SLC7A11: variants seen among roughly 807,000 people sequenced by gnomAD.
SLC7A11 encodes the protein cystine/glutamate transporter.
SLC7A11 carries 35 observed loss-of-function variants against 54.5 expected under a neutral mutation model. The observed-to-expected ratio is 0.64, with a 90% CI of 0.49 to 0.85. SLC7A11 has a LOEUF of 0.85. Among genes scored for constraint, SLC7A11 ranks in the 40% least tolerant of loss-of-function variants. The pLI, the probability that SLC7A11 is intolerant of heterozygous loss-of-function variation, is 0.00. For synonymous variants in SLC7A11, 230 were observed against 225.2 expected (o/e 1.02, Z -0.19); for missense variants, 583 against 618.1 (o/e 0.94, Z 0.60).
intron 6 of SLC7A11, among the ~76,000 whole-genome samples, chr4:138,196,536 T>C (rs914934593): frequency 6.6e-6 from 1 of 152,158 alleles, no homozygotes; most frequent in Non-Finnish European, 1.5e-5. Context: ...GTGTTTTGTG[T>C]ATGCATATTT....
At position 138,241,673 on chromosome 4, in the gene SLC7A11, T is replaced by A. The variant is rs543508136; in HGVS notation, c.277+120A>T. The A allele has an allele frequency of 2.3e-4, 180 of 766,510 alleles. No individual in the cohort carries two copies. The African/African-American group carries it at 2.7e-3, about 12-fold the overall frequency. 47.5% of individuals were successfully genotyped at this position (766,510 alleles called of 1,614,324 possible). ...AGTTCACGTACCCGAACAAAAATTT[T>A]AAAAATTTGGTGTGGCCTTTGCCAT... is the stretch of plus-strand genomic sequence containing the variant. On this transcript the variant is annotated intron_variant, in intron 1 of 11. Coordinates refer to ENST00000280612, the MANE Select transcript of SLC7A11 (RefSeq NM_014331.4).
chr4:138,232,634 C>T (rs139354939), intron 2 of SLC7A11, among the ~76,000 whole-genome samples: 1 of 152,196 alleles, frequency 6.6e-6, no homozygotes, highest in Non-Finnish European at 1.5e-5. Flanking sequence ...TTCCCCTGCT[C>T]TCCCATATTT....
chr4:138,237,716 TATATATATATATA>T (rs1738250907), intron 1 of SLC7A11, among the ~76,000 whole-genome samples: 1 of 7,500 alleles, frequency 1.3e-4, no homozygotes, highest in Non-Finnish European at 2.8e-4. Flanking sequence ...TATATATATA[TATATATATATATA>T]TATATATATT....
rs1208213164 is a variant in SLC7A11 at position 138,242,079 on chromosome 4, A to G, written c.-10T>C. ...CAGGCTTTCTGACCATAGTAGGGAC[A>G]CACGGGGGAAAAATAAAACAGAGGG... On this transcript the variant is annotated 5_prime_UTR_variant, in exon 1 of 12. Transcript: ENST00000280612. The G allele has an allele frequency of 6.2e-7, 1 of 1,612,766 alleles. No homozygotes were observed. Among genetic ancestry groups the G allele is most frequent in the East Asian group, 2.2e-5 (1 of 44,850 alleles).
At chr4:138,234,639 A>T (rs1738161984) in intron 2 of SLC7A11, among the ~76,000 whole-genome samples, 1 of 152,086 alleles carries the variant, frequency 6.6e-6, no homozygotes, top group South Asian at 2.1e-4. Context: ...TTCATTTTAG[A>T]TCTCTTTTTA....
chr4:138,183,300 A>G lies in SLC7A11; in HGVS notation c.921T>C (p.Phe307=). The G allele has an allele frequency of 6.2e-7, 1 of 1,608,218 alleles. No homozygotes were observed. The highest frequency in any genetic ancestry group is 1.1e-5 in the South Asian group (1 of 90,536). The change falls in exon 8 of 12, where the codon TTT becomes TTC. Residue 307 remains phenylalanine (F), a synonymous_variant. Coordinates refer to ENST00000280612, the MANE Select transcript of SLC7A11 (RefSeq NM_014331.4). ...AGAAATTTCCCAGTAGCCGCTCAGA[A>G]AAGGTCTAGTGAAAGAAAGAACGAA... ...LLLSNAVAVT[F]SERLLGNFSL...
Position 138,242,310 on chromosome 4 carries a change from T to C in SLC7A11, c.-241A>G, listed in dbSNP as rs1205919363. ...ATTCTCCACCTCCTCGTTCCACCAC[T>C]GCTGCTGCTGCTGCTGCTGCCGCCC... On this transcript the variant is annotated 5_prime_UTR_variant, in exon 1 of 12. Transcript: ENST00000280612. The C allele has an allele frequency of 1.5e-5, 6 of 397,580 alleles. No homozygotes were observed. Among genetic ancestry groups the C allele is most frequent in the East Asian group, 4.7e-5 (1 of 21,124 alleles). 24.6% of individuals were successfully genotyped at this position (397,580 alleles called of 1,614,324 possible).
chr4:138,205,404 G>C (rs1162343484), intron 6 of SLC7A11, among the ~76,000 whole-genome samples: 1 of 152,028 alleles, frequency 6.6e-6, no homozygotes, highest in Non-Finnish European at 1.5e-5. Flanking sequence ...TTCCTGAGTA[G>C]ATCAATAATC....
intron 6 of SLC7A11, among the ~76,000 whole-genome samples, chr4:138,191,412 A>C (rs914427388): frequency 9.2e-5 from 14 of 152,174 alleles, no homozygotes; most frequent in Admixed American, 3.9e-4. Context: ...GAAGACAGAG[A>C]GACCTGTAGG....
At chr4:138,197,638 T>G (rs541668110) in intron 6 of SLC7A11, among the ~76,000 whole-genome samples, 106 of 152,092 alleles carry the variant, frequency 7.0e-4, no homozygotes, top group African/African-American at 2.4e-3. Flanking sequence ...GCTTTAAATT[T>G]AAAAGCACTA....
rs2148402187 is a variant in SLC7A11, at chr4:138,165,648, A to C, written c.*6308T>G. 1 of 152,336 alleles carries C rather than the reference A, an allele frequency of 6.6e-6. No homozygotes were observed. Among genetic ancestry groups the C allele is most frequent in the Admixed American group, 6.5e-5 (1 of 15,290 alleles). The allele number at this position is 152,336 out of a possible 1,614,324, so 9.4% of individuals were successfully genotyped here. On this transcript the variant is annotated 3_prime_UTR_variant, in exon 12 of 12. Transcript: ENST00000280612. ...TTTGGAGCCAATGTCTGTATTCAAA[A>C]TAACCAAAATATATTTTAAAGCAAA...
intron 5 of SLC7A11, among the ~76,000 whole-genome samples, chr4:138,216,540 G>A (rs961081334): frequency 1.3e-5 from 2 of 152,114 alleles, no homozygotes; most frequent in Admixed American, 6.5e-5. Flanking sequence ...TGTGTGACCT[G>A]ACTGGGTTAA....
chr4:138,230,079 T>C (rs1033991381), intron 3 of SLC7A11, among the ~76,000 whole-genome samples: 1 of 152,166 alleles, frequency 6.6e-6, no homozygotes, highest in Non-Finnish European at 1.5e-5. Flanking sequence ...GTTAAAGGTC[T>C]TAAAAATCTG....
At chr4:138,233,604 A>T (rs1003261282) in intron 2 of SLC7A11, among the ~76,000 whole-genome samples, 2 of 152,016 alleles carry the variant, frequency 1.3e-5, no homozygotes, top group Non-Finnish European at 2.9e-5. Context: ...CATGTTCCCA[A>T]CTTTGGCCGG....
intron 11 of SLC7A11, chr4:138,178,046 T>C (rs1677860865): frequency 6.6e-6 from 1 of 152,164 alleles, no homozygotes; most frequent in Non-Finnish European, 1.5e-5. Flanking sequence ...TATTCTACTT[T>C]ATATCTGTAT....
chr4:138,234,885 T>C (rs552434141), intron 2 of SLC7A11, among the ~76,000 whole-genome samples: 2 of 152,332 alleles, frequency 1.3e-5, no homozygotes, highest in Non-Finnish European at 2.9e-5. Context: ...AAGTAGTACA[T>C]GCATTTGAAT....
At chr4:138,208,918 T>A (rs1737475475) in intron 6 of SLC7A11, among the ~76,000 whole-genome samples, 1 of 152,064 alleles carries the variant, frequency 6.6e-6, no homozygotes, top group Non-Finnish European at 1.5e-5. Context: ...TTCTTAACAT[T>A]ATAAATGTAA....
chr4:138,192,082 C>T (rs1737025449), intron 6 of SLC7A11, among the ~76,000 whole-genome samples: 1 of 152,046 alleles, frequency 6.6e-6, no homozygotes, highest in Non-Finnish European at 1.5e-5. Context: ...TAAGATAATG[C>T]AACATTTCGG....
chr4:138,234,582 A>G (rs1738160238), intron 2 of SLC7A11, among the ~76,000 whole-genome samples: 1 of 152,156 alleles, frequency 6.6e-6, no homozygotes, highest in Non-Finnish European at 1.5e-5. Flanking sequence ...TTTAAATTAA[A>G]GTAACATTTG....
Sources: gnomAD v4.1 joint callset for allele counts (sites outside exome capture counted in the v4.1 genomes callset) on GRCh38, gnomAD v4.1.1 for gene constraint, MANE v1.5 for transcripts, NCBI Gene and HGNC (gene_info 2026-07-23, HGNC 2026-07-21) for gene names.